The following CEP290 variants were observed in gnomAD, a reference collection of about 807,000 sequenced individuals.
CEP290 encodes centrosomal protein 290.
In CEP290, 317 loss-of-function variants were observed where a neutral mutation model predicts 344.9. The observed-to-expected ratio is 0.92, with a 90% CI of 0.84 to 1.01. The LOEUF (loss-of-function observed/expected upper bound fraction) is 1.01, where lower values mean the gene tolerates loss of function less well. Ranked by LOEUF, CEP290 falls within the 50% of genes least tolerant of loss-of-function variation. The probability of loss-of-function intolerance (pLI) is 0.00; values close to 1 mark genes in which losing one functional copy is unlikely to be tolerated. For missense variants in CEP290, 2,754 were observed against 2,761.4 expected, an observed-to-expected ratio of 1.00 and a Z score of 0.06; for synonymous variants, 932 against 895.8, an observed-to-expected ratio of 1.04 and a Z score of -0.72.
Position 88,089,276 on chromosome 12 carries a change from T to G in CEP290, c.3785A>C (p.His1262Pro), listed in dbSNP as rs752253318. The change falls in exon 31 of 54, where the codon CAT (histidine) becomes CCT (proline). Residue 1262 changes from histidine to proline, a missense_variant. Transcript: ENST00000552810. ...ARLEGRNRAK[H>P]LRQTIQSLRR... ...TAGAGACTGAATTGTTTGGCGCAGA[T>G]GTTTTGCTCTGTTTCTTCCCTCCAA... is the stretch of plus-strand genomic sequence containing the variant. 1 of 1,614,018 alleles carries G rather than the reference T, an allele frequency of 6.2e-7. No homozygotes were observed. Among genetic ancestry groups the G allele is most frequent in the Non-Finnish European group, 8.5e-7 (1 of 1,179,886 alleles).
At chr12:88,109,402 T>A (rs2038518803) in intron 22 of CEP290, among the ~76,000 whole-genome samples, 1 of 152,136 alleles carries the variant, frequency 6.6e-6, no homozygotes, top group African/African-American at 2.4e-5. Flanking sequence ...AGCACACAAA[T>A]TACCAGATTA....
chr12:88,106,707 A>T lies in CEP290; in HGVS notation c.2785T>A (p.Cys929Ser), dbSNP rs770836483. The T allele has an allele frequency of 6.2e-7, 1 of 1,608,072 alleles. No individual in the cohort carries two copies. Among genetic ancestry groups the T allele is most frequent in the East Asian group, 2.2e-5 (1 of 44,732 alleles). The stretch of plus-strand genomic sequence containing the variant: ...CTTTGCAAACACCCAATTTTTTCAC[A>T]AACTTCAGCCTCCATTGACAACAAT... ...NELLSMEAEV[C>S]EKIGCLQRFK... The change falls in exon 25 of 54, where the codon TGT (cysteine) becomes AGT (serine). Residue 929 changes from cysteine to serine, a missense_variant. By Grantham distance (112) the Cys-to-Ser change is moderately radical (BLOSUM62 -1). Coordinates refer to ENST00000552810, the MANE Select transcript of CEP290 (RefSeq NM_025114.4).
rs1381853150 is a variant in CEP290, at chr12:88,060,005, G to C, written c.6538C>G (p.Leu2180Val). 6.4e-7 allele frequency: 1 copy of C among 1,557,266 alleles called. No homozygotes were observed. The highest frequency in any genetic ancestry group is 2.3e-5 in the East Asian group (1 of 43,322). The change falls in exon 48 of 54, where the codon CTT (leucine) becomes GTT (valine). Residue 2180 changes from leucine to valine, a missense_variant. Coordinates refer to ENST00000552810, the MANE Select transcript of CEP290 (RefSeq NM_025114.4). ...NEKLKAELEK[L>V]KAHLGHQLSM... is the part of the protein sequence containing the mutation. Reference sequence around the variant, plus strand: ...AACTGATGCCCAAGATGAGCTTTAAGTTTTTCTAATTCAGCCTAGTAAAAA... The same window carrying C: ...AACTGATGCCCAAGATGAGCTTTAACTTTTTCTAATTCAGCCTAGTAAAAA...
intron 6 of CEP290, chr12:88,135,724 G>A (rs1284350785): frequency 6.6e-6 from 1 of 151,966 alleles, no homozygotes; most frequent in East Asian, 1.9e-4. Context: ...TTCTTAAAAT[G>A]TATGACCCTC....
At chr12:88,077,418 T>C (rs1210598323) in intron 40 of CEP290, 74 bp from the exon 41 acceptor site, 11 of 1,004,456 alleles carry the variant, frequency 1.1e-5, no homozygotes, top group Non-Finnish European at 1.6e-5. Context: ...ATTTCAATTA[T>C]ATAATAGCAA....
chr12:88,051,914 C>T (rs1041112302), intron 52 of CEP290: 2 of 152,172 alleles, frequency 1.3e-5, no homozygotes, highest in African/African-American at 4.8e-5. Context: ...CGTAGCATAG[C>T]ATAGCGGGTT....
rs1255071489 is a variant in CEP290 at position 88,053,873 on chromosome 12, T to TA, written c.7035-128dup. 3 of 525,394 alleles carry TA rather than the reference T, an allele frequency of 5.7e-6. No individual in the cohort carries two copies. The African/African-American group carries it at 6.0e-5, about 10-fold the overall frequency. The allele number at this position is 525,394 out of a possible 1,614,324, so 32.5% of individuals were successfully genotyped here. A position where few individuals can be genotyped will look rare whatever the true frequency, so the allele number is the denominator to read the frequency against. On this transcript the variant is annotated intron_variant, in intron 51 of 53. Coordinates refer to ENST00000552810, the MANE Select transcript of CEP290 (RefSeq NM_025114.4). The stretch of plus-strand genomic sequence containing the variant: ...GCTAGCCTTTATCGAAGTAAACATT[T>TA]ACTCTCAATGCTACAATGTCACCAT...
At chr12:88,069,389 A>G (rs895848079) in intron 43 of CEP290, among the ~76,000 whole-genome samples, 1 of 148,536 alleles carries the variant, frequency 6.7e-6, no homozygotes, top group African/African-American at 2.5e-5. Flanking sequence ...ATTATTAGAG[A>G]AAAAAAAAAT....
At chr12:88,054,779 G>T (rs1458659039) in intron 50 of CEP290, among the ~76,000 whole-genome samples, 2 of 152,102 alleles carry the variant, frequency 1.3e-5, no homozygotes, top group Non-Finnish European at 2.9e-5. Flanking sequence ...AAGAGTGATG[G>T]CAAGTAGTAT....
intron 26 of CEP290, among the ~76,000 whole-genome samples, chr12:88,099,452 T>C (rs999363318): frequency 1.3e-5 from 2 of 152,186 alleles, no homozygotes; most frequent in Non-Finnish European, 2.9e-5. Context: ...ATATCTTAAG[T>C]TCCTTTATTT....
intron 5 of CEP290, among the ~76,000 whole-genome samples, chr12:88,138,470 C>T (rs944397713): frequency 7.2e-5 from 11 of 152,168 alleles, no homozygotes; most frequent in African/African-American, 2.7e-4. Flanking sequence ...AGGACTAGAA[C>T]TCAAATCTGT....
intron 3 of CEP290, 135 bp downstream of exon 3, chr12:88,140,821 A>G (rs1403119401): frequency 5.0e-6 from 3 of 596,430 alleles, no homozygotes; most frequent in African/African-American, 2.0e-5. Flanking sequence ...CTTAATTCAC[A>G]TTTAAATATA....
rs777165433 is a variant in CEP290, at chr12:88,060,969, G to A, written c.6383C>T (p.Pro2128Leu). Reference sequence around the variant, plus strand: ...TAAACCAATGGTTTTTTCCAGTTCTGGGATTGTCTTTCCACTTCTACCAGA... The same window carrying A: ...TAAACCAATGGTTTTTTCCAGTTCTAGGATTGTCTTTCCACTTCTACCAGA... Reference protein sequence around the residue: ...RGSGRSGKTIPELEKTIGLMK... With the variant: ...RGSGRSGKTILELEKTIGLMK... The change falls in exon 47 of 54, where the codon CCA (proline) becomes CTA (leucine). Residue 2128 changes from proline to leucine, a missense_variant. Pro to Leu is a moderately conservative substitution (Grantham distance 98, BLOSUM62 -3). Coordinates refer to ENST00000552810, the MANE Select transcript of CEP290 (RefSeq NM_025114.4). The A allele has an allele frequency of 6.4e-7, 1 of 1,559,628 alleles. No homozygotes were observed. The highest frequency in any genetic ancestry group is 1.9e-5 in the Admixed American group (1 of 51,596).
intron 45 of CEP290, among the ~76,000 whole-genome samples, chr12:88,063,134 A>C (rs533672718): frequency 7.7e-6 from 1 of 129,710 alleles, no homozygotes; most frequent in African/African-American, 2.6e-5. Context: ...CAGAATAAGA[A>C]GCAGTACCAA....
intron 44 of CEP290, among the ~76,000 whole-genome samples, chr12:88,066,483 T>C (rs2034947472): frequency 6.6e-6 from 1 of 151,126 alleles, no homozygotes; most frequent in African/African-American, 2.4e-5. Context: ...CTTTTTTTTT[T>C]TTTTTCTGGT....
At chr12:88,125,182 TAATAAA>T (rs1038517298) in intron 13 of CEP290, 58 bp downstream of exon 13, 70 of 521,018 alleles carry the variant, frequency 1.3e-4, no homozygotes, top group African/African-American at 1.3e-3. Context: ...CATTTTATTT[TAATAAA>T]AATAAAGTCG....
Position 88,130,432 on chromosome 12 carries a change from C to G in CEP290, c.517-12G>C, listed in dbSNP as rs376594089. 4 of 1,600,370 alleles carry G rather than the reference C, an allele frequency of 2.5e-6. No individual in the cohort carries two copies. The African/African-American group carries it at 4.1e-5, about 16-fold the overall frequency. On this transcript the variant is annotated splice_polypyrimidine_tract_variant and intron_variant, in intron 8 of 53. Transcript: ENST00000552810. ...CAAAGTTGTTCATTCTGAAGGTAAC[C>G]AAACACAACATTCAATTACAAAACT... is the stretch of plus-strand genomic sequence containing the variant.
At chr12:88,074,182 G>A (rs913828510) in intron 41 of CEP290, among the ~76,000 whole-genome samples, 4 of 151,890 alleles carry the variant, frequency 2.6e-5, no homozygotes, top group East Asian at 1.9e-4. Flanking sequence ...CTGAGATTGC[G>A]CCATTGCACT....
intron 17 of CEP290, 40 bp downstream of exon 17, chr12:88,118,443 T>C: frequency 6.9e-7 from 1 of 1,441,870 alleles, no homozygotes; most frequent in South Asian, 1.3e-5. Context: ...AACTCACTTA[T>C]CAATAATTCT....
Sources: gnomAD v4.1 joint callset for allele counts (sites outside exome capture counted in the v4.1 genomes callset) on GRCh38, gnomAD v4.1.1 for gene constraint, MANE v1.5 for transcripts, NCBI Gene and HGNC (gene_info 2026-07-23, HGNC 2026-07-21) for gene names.